CDYL: variants seen among roughly 807,000 people sequenced by gnomAD.
The protein encoded by CDYL is chromodomain Y-like protein.
In CDYL, 8 loss-of-function variants were observed where a neutral mutation model predicts 47.3. The observed-to-expected ratio is 0.17, with a 90% confidence interval of 0.10 to 0.31. The LOEUF (loss-of-function observed/expected upper bound fraction) is 0.31, where lower values mean the gene tolerates loss of function less well. Ranked by LOEUF, CDYL falls within the 10% of genes least tolerant of loss-of-function variation. CDYL has a pLI of 1.00. For synonymous variants in CDYL, 266 were observed against 265.0 expected (o/e 1.00, Z -0.04); for missense variants, 471 against 701.4 (o/e 0.67, Z 3.71).
chr6:4,806,388 C>G (rs1165974852), intron 1 of CDYL, among the ~76,000 whole-genome samples: 2 of 152,166 alleles, frequency 1.3e-5, no homozygotes, highest in Non-Finnish European at 2.9e-5. Flanking sequence ...TTCTGGCATC[C>G]CCCTACCAGA....
intron 1 of CDYL, among the ~76,000 whole-genome samples, chr6:4,781,772 T>G (rs1271792299): frequency 6.6e-6 from 1 of 152,226 alleles, no homozygotes; most frequent in Non-Finnish European, 1.5e-5. Flanking sequence ...ATTGTTCTGG[T>G]TCACAGTTTT....
At chr6:4,846,600 C>T (rs1420205275) in intron 1 of CDYL, among the ~76,000 whole-genome samples, 30 of 152,010 alleles carry the variant, frequency 2.0e-4, no homozygotes, top group Admixed American at 1.9e-3. Context: ...GTGATTTATT[C>T]CTGGTTGACT....
chr6:4,779,873 G>A (rs1314316127), intron 1 of CDYL, among the ~76,000 whole-genome samples: 3 of 152,110 alleles, frequency 2.0e-5, no homozygotes, highest in Non-Finnish European at 2.9e-5. Flanking sequence ...ATGAATGTGC[G>A]CTGTGTCTCA....
chr6:4,899,298 CAT>C (rs1561696627), intron 2 of CDYL, among the ~76,000 whole-genome samples: 1 of 152,160 alleles, frequency 6.6e-6, no homozygotes, highest in Non-Finnish European at 1.5e-5. Context: ...TGGTGAAAGA[CAT>C]ATTAACAGGA....
Position 4,748,636 on chromosome 6 carries a change from A to C in CDYL, c.186+13792A>C, listed in dbSNP as rs192015933. On this transcript the variant is annotated intron_variant, in intron 3 of 8. Coordinates refer to the CDYL transcript ENST00000328908. ...AGGATAGGAAGACATACATGGTTGG[A>C]TGGAGAGACTGATGGCAAAGACACA... Among the ~76,000 whole-genome samples, 3 of 142,128 alleles carry C rather than the reference A, an allele frequency of 2.1e-5. No individual in the cohort carries two copies. The East Asian group carries it at 6.6e-4, about 31-fold the overall frequency. 93.2% of individuals were successfully genotyped at this position (142,128 alleles called of 152,430 possible).
At chr6:4,804,638 G>A (rs1167979311) in intron 1 of CDYL, among the ~76,000 whole-genome samples, 1 of 152,116 alleles carries the variant, frequency 6.6e-6, no homozygotes, top group Non-Finnish European at 1.5e-5. Context: ...CTCGCTCTGC[G>A]GTTTCTAGAC....
At position 4,839,057 on chromosome 6, in the gene CDYL, C is replaced by CT. The variant is rs562952246; in HGVS notation, c.25-52649dup. Among the ~76,000 whole-genome samples, 183 of 152,214 alleles carry CT rather than the reference C, an allele frequency of 1.2e-3. 1 individual carries two copies. Among genetic ancestry groups the CT allele is most frequent in the Non-Finnish European group, 1.8e-3 (122 of 68,002 alleles). Reference sequence around the variant, plus strand: ...CACATTCCTGCCAGCAGTGTGTTTCCTTTTTTTACCACATCCACACCAACT... The same window carrying CT: ...CACATTCCTGCCAGCAGTGTGTTTCCTTTTTTTTACCACATCCACACCAACT... On this transcript the variant is annotated intron_variant, in intron 1 of 6. Coordinates refer to ENST00000397588, the MANE Select transcript of CDYL (RefSeq NM_004824.4).
At chr6:4,771,357 AC>A (rs1380552167) in intron 3 of CDYL, among the ~76,000 whole-genome samples, 1 of 152,124 alleles carries the variant, frequency 6.6e-6, no homozygotes, top group Non-Finnish European at 1.5e-5. Flanking sequence ...CAGGTGATCC[AC>A]CTGCCTTGGC....
At chr6:4,798,169 C>T (rs1440986290) in intron 1 of CDYL, among the ~76,000 whole-genome samples, 1 of 152,056 alleles carries the variant, frequency 6.6e-6, no homozygotes, top group Non-Finnish European at 1.5e-5. Context: ...GATGGAGTTT[C>T]ACCGTGTTTC....
chr6:4,799,108 A>G (rs1256595117), intron 1 of CDYL, among the ~76,000 whole-genome samples: 4 of 152,172 alleles, frequency 2.6e-5, no homozygotes, highest in Non-Finnish European at 5.9e-5. Context: ...TCAAAATTTG[A>G]TATGCTTTCA....
intron 2 of CDYL, among the ~76,000 whole-genome samples, chr6:4,924,818 C>A (rs1233610675): frequency 2.6e-5 from 4 of 152,166 alleles, no homozygotes; most frequent in African/African-American, 9.7e-5. Context: ...ATAAAAGCTA[C>A]AGGGCTTATG....
chr6:4,720,479 G>T (rs182240144), intron 2 of CDYL, among the ~76,000 whole-genome samples: 98 of 152,202 alleles, frequency 6.4e-4, no homozygotes, highest in African/African-American at 2.2e-3. Flanking sequence ...TCTTTATAAG[G>T]TCTTATATTT....
At chr6:4,790,562 A>G (rs959737122) in intron 1 of CDYL, among the ~76,000 whole-genome samples, 2 of 152,234 alleles carry the variant, frequency 1.3e-5, no homozygotes, top group Non-Finnish European at 2.9e-5. Context: ...ACATGGGATC[A>G]TTAAGCAGAA....
chr6:4,723,532 G>C (rs770858607), intron 2 of CDYL, among the ~76,000 whole-genome samples: 2 of 152,158 alleles, frequency 1.3e-5, no homozygotes, highest in Non-Finnish European at 2.9e-5. Flanking sequence ...GGGGCTGCCA[G>C]CACCTGAAAA....
intron 5 of CDYL, among the ~76,000 whole-genome samples, chr6:4,945,507 A>G (rs1758485645): frequency 6.6e-6 from 1 of 152,116 alleles, no homozygotes; most frequent in South Asian, 2.1e-4. Context: ...CCAAATGCTA[A>G]AACACTCACC....
rs142729729 is a variant in CDYL, at chr6:4,794,278, A to G, written c.24+17471A>G. On this transcript the variant is annotated intron_variant, in intron 1 of 6. Transcript: ENST00000397588. ...AACCGAGAGATAGTGGTGCACTGGA[A>G]GAAAACCTCAAGGAGGGAACGAGCC... is the stretch of plus-strand genomic sequence containing the variant. Among the ~76,000 whole-genome samples the G allele has an allele frequency of 1.9e-3, 288 of 152,222 alleles. 4 individuals are homozygous for G. Among genetic ancestry groups the G allele is most frequent in the African/African-American group, 5.6e-3 (233 of 41,540 alleles).
In CDYL at chr6:4,952,337, G is replaced by C. The variant is rs1027046045; in HGVS notation, c.1404G>C (p.Gln468His). Reference sequence around the variant, plus strand: ...CGTGTGGCAAGGGCCTGGTCTCCCAGGTGTTTTGGCCCGGGACGTTCACTC... The same window carrying C: ...CGTGTGGCAAGGGCCTGGTCTCCCACGTGTTTTGGCCCGGGACGTTCACTC... ...QEACGKGLVS[Q>H]VFWPGTFTQE... The change falls in exon 6 of 7, where the codon CAG becomes CAC. Residue 468 changes from glutamine (Q) to histidine (H), a missense_variant. By Grantham distance (24) the Gln-to-His change is conservative. Around this residue, in one of 3 missense-constraint regions of CDYL, gnomAD observed 103 missense variants for 277.1 expected, o/e 0.37. Transcript: ENST00000397588. 1 of 1,614,086 alleles carries C rather than the reference G, an allele frequency of 6.2e-7. No homozygotes were observed. Among genetic ancestry groups the C allele is most frequent in the Non-Finnish European group, 8.5e-7 (1 of 1,180,046 alleles).
intron 1 of CDYL, among the ~76,000 whole-genome samples, chr6:4,860,006 A>T (rs1261989489): frequency 1.3e-5 from 2 of 150,066 alleles, no homozygotes; most frequent in Non-Finnish European, 3.0e-5. Context: ...TGTTCACGCC[A>T]TTCTCCTGCC....
At chr6:4,780,372 T>A (rs1758578764) in intron 1 of CDYL, among the ~76,000 whole-genome samples, 1 of 140,358 alleles carries the variant, frequency 7.1e-6, no homozygotes, top group Non-Finnish European at 1.5e-5. Context: ...TGGCTGGGAT[T>A]ACAGACGTGC....
Sources: gnomAD v4.1 joint callset for allele counts (sites outside exome capture counted in the v4.1 genomes callset) on GRCh38, gnomAD v4.1.1 for gene constraint, gnomAD v4.1.1 regional missense constraint, MANE v1.5 for transcripts, NCBI Gene and HGNC (gene_info 2026-07-23, HGNC 2026-07-21) for gene names.